Variants in LMBR1 observed in about 807,000 individuals in gnomAD.
LMBR1 encodes limb region 1 protein homolog.
A neutral mutation model predicts 73.9 loss-of-function variants in LMBR1; 52 were observed. The ratio of observed to expected loss-of-function variants is 0.70; its 90% CI spans 0.56 to 0.89. The LOEUF (loss-of-function observed/expected upper bound fraction) is 0.89. LMBR1 is among the 40% of genes least tolerant of loss of function. The pLI is 0.00. For synonymous variants in LMBR1, 215 were observed against 209.4 expected, an observed-to-expected ratio of 1.03 and a Z score of -0.23; for missense variants, 539 against 579.8, an observed-to-expected ratio of 0.93 and a Z score of 0.72.
chr7:156,791,707 A>G (rs1419821219), intron 5 of LMBR1, among the ~76,000 whole-genome samples: 3 of 152,170 alleles, frequency 2.0e-5, no homozygotes, highest in Non-Finnish European at 2.9e-5. Context: ...TTTTGCTTTT[A>G]TTATCAGGCA....
chr7:156,675,871 T>C (rs533810328), downstream of LMBR1: 12 of 1,609,500 alleles, frequency 7.5e-6, no homozygotes, highest in East Asian at 2.7e-4. Context: ...CAGGTAGGTT[T>C]GGCTGGCAGC....
chr7:156,765,439 C>A (rs766125498), intron 5 of LMBR1, among the ~76,000 whole-genome samples: 10 of 152,140 alleles, frequency 6.6e-5, no homozygotes, highest in Non-Finnish European at 1.5e-4. Context: ...CCTGAGGCAC[C>A]CCAAGCCATG....
rs551773611 is a variant in LMBR1, at chr7:156,873,215, C to T, written c.66+19713G>A. Among the ~76,000 whole-genome samples the T allele has an allele frequency of 2.6e-3, 396 of 151,952 alleles. 2 individuals are homozygous for T. Among genetic ancestry groups the T allele is most frequent in the African/African-American group, 9.3e-3 (385 of 41,422 alleles). ...CAGAGTTTCTTCCTTCTGGTGGGTT[C>T]GTGGTCTCGCTGGCTCAGGAGTGAA... On this transcript the variant is annotated intron_variant, in intron 1 of 16. Transcript: ENST00000353442.
At chr7:156,839,125 T>C (rs1330777188) in intron 1 of LMBR1, among the ~76,000 whole-genome samples, 2 of 149,820 alleles carry the variant, frequency 1.3e-5, no homozygotes, top group African/African-American at 2.5e-5. Context: ...TCTTGGCTCA[T>C]TGCAACCTCC....
At chr7:156,676,359 G>C (rs1391815249), downstream of LMBR1, 2 of 1,613,596 alleles carry the variant, frequency 1.2e-6, no homozygotes, top group Non-Finnish European at 1.7e-6. Context: ...TTCAGTTTAA[G>C]TAACTTTCTG....
intron 5 of LMBR1, among the ~76,000 whole-genome samples, chr7:156,782,426 T>C (rs1305276966): frequency 6.6e-6 from 1 of 152,214 alleles, no homozygotes; most frequent in Non-Finnish European, 1.5e-5. Context: ...CGTTTTACCT[T>C]TCCACCAACA....
chr7:156,756,549 A>G, intron 8 of LMBR1, 84 bp from the exon 9 acceptor site: 1 of 706,464 alleles, frequency 1.4e-6, no homozygotes, highest in Middle Eastern at 3.4e-4. Context: ...TGGTCAATTT[A>G]TTTTAGGTAA....
At chr7:156,738,549 C>T (rs182909078) in intron 9 of LMBR1, among the ~76,000 whole-genome samples, 1 of 152,342 alleles carries the variant, frequency 6.6e-6, no homozygotes, top group African/African-American at 2.4e-5. Flanking sequence ...GCAGAGCTCA[C>T]AGCAAGGAAA....
At chr7:156,746,843 T>C (rs949631753) in intron 9 of LMBR1, among the ~76,000 whole-genome samples, 2 of 152,168 alleles carry the variant, frequency 1.3e-5, no homozygotes, top group African/African-American at 4.8e-5. Context: ...GGATTTAAGT[T>C]ATACCAAAAA....
At chr7:156,798,479 G>A (rs1039767656) in intron 4 of LMBR1, among the ~76,000 whole-genome samples, 5 of 152,076 alleles carry the variant, frequency 3.3e-5, no homozygotes, top group African/African-American at 9.7e-5. Context: ...AACAGCCTAT[G>A]GGTAAAGGTA....
At chr7:156,889,268 A>C (rs1802484229) in intron 1 of LMBR1, among the ~76,000 whole-genome samples, 1 of 152,196 alleles carries the variant, frequency 6.6e-6, no homozygotes, top group South Asian at 2.1e-4. Context: ...CAGTTGATGA[A>C]AAAGATCTGG....
Position 156,865,593 on chromosome 7 carries a change from T to A in LMBR1, c.66+27335A>T, listed in dbSNP as rs1013989737. Among the ~76,000 whole-genome samples, 5 of 152,062 alleles carry A rather than the reference T, an allele frequency of 3.3e-5. No homozygotes were observed. The South Asian group carries it at 1.0e-3, about 32-fold the overall frequency. Reference sequence around the variant, plus strand: ...TTGACAGGCTTATCCTAAATTCACATGAAAACGGAACAAATCCAGAAAAAT... The same window carrying A: ...TTGACAGGCTTATCCTAAATTCACAAGAAAACGGAACAAATCCAGAAAAAT... On this transcript the variant is annotated intron_variant, in intron 1 of 16. Transcript: ENST00000353442.
At chr7:156,723,082 A>G (rs1814950553) in intron 15 of LMBR1, among the ~76,000 whole-genome samples, 1 of 152,164 alleles carries the variant, frequency 6.6e-6, no homozygotes, top group South Asian at 2.1e-4. Flanking sequence ...AAGCAAACAC[A>G]AAAGAAATAA....
chr7:156,765,243 C>T (rs1289968114), intron 5 of LMBR1, among the ~76,000 whole-genome samples: 1 of 152,132 alleles, frequency 6.6e-6, no homozygotes, highest in East Asian at 1.9e-4. Flanking sequence ...CCCCATGTGT[C>T]GTGGGAAGGA....
chr7:156,738,140 G>A (rs1462120911), intron 9 of LMBR1, among the ~76,000 whole-genome samples: 2 of 152,172 alleles, frequency 1.3e-5, no homozygotes, highest in East Asian at 1.9e-4. Flanking sequence ...AGCAGCGGCC[G>A]TGTAGTGTGG....
intron 15 of LMBR1, among the ~76,000 whole-genome samples, chr7:156,716,953 T>C (rs1265725194): frequency 1.3e-5 from 2 of 151,784 alleles, no homozygotes; most frequent in Non-Finnish European, 2.9e-5. Flanking sequence ...GCCCAGGTAG[T>C]AGAGTGAGAC....
intron 1 of LMBR1, among the ~76,000 whole-genome samples, chr7:156,868,628 C>T (rs1798818702): frequency 6.6e-6 from 1 of 151,500 alleles, no homozygotes; most frequent in African/African-American, 2.4e-5. Flanking sequence ...GTGCCACTGC[C>T]CTCCAGCTTG....
chr7:156,847,208 T>C (rs574564571), intron 1 of LMBR1, among the ~76,000 whole-genome samples: 24 of 152,108 alleles, frequency 1.6e-4, no homozygotes, highest in Non-Finnish European at 2.8e-4. Context: ...CAACAAATGG[T>C]GCTGAAACAA....
At chr7:156,815,029 G>A (rs1354545783) in intron 4 of LMBR1, among the ~76,000 whole-genome samples, 2 of 151,714 alleles carry the variant, frequency 1.3e-5, no homozygotes, top group Non-Finnish European at 2.9e-5. Flanking sequence ...GGTGGCACAC[G>A]CCTATAATCC....
Sources: allele counts gnomAD v4.1 joint callset (sites outside exome capture counted in the v4.1 genomes callset), GRCh38; gene constraint gnomAD v4.1.1; transcripts MANE v1.5; gene names NCBI Gene and HGNC (gene_info 2026-07-23, HGNC 2026-07-21).